The following PRDM5 variants were observed in gnomAD, a reference collection of about 807,000 sequenced individuals.
The protein encoded by PRDM5 is PR domain zinc finger protein 5.
PRDM5 carries 56 observed loss-of-function variants against 81.2 expected under a neutral mutation model. The ratio of observed to expected loss-of-function variants is 0.69; its 90% CI spans 0.56 to 0.86. The LOEUF (loss-of-function observed/expected upper bound fraction) is 0.86. PRDM5 is among the 40% of genes least tolerant of loss of function. The probability of loss-of-function intolerance (pLI) is 0.00; values close to 1 mark genes in which losing one functional copy is unlikely to be tolerated. For missense variants in PRDM5, 697 were observed against 770.1 expected (o/e 0.91, Z 1.12); for synonymous variants, 267 against 256.4 (o/e 1.04, Z -0.39).
intron 3 of PRDM5, among the ~76,000 whole-genome samples, chr4:120,841,964 C>T (rs1432880195): frequency 6.6e-6 from 1 of 152,174 alleles, no homozygotes; most frequent in Non-Finnish European, 1.5e-5. Flanking sequence ...TTCATTACTA[C>T]ATTTGTTACG....
At chr4:120,769,879 G>C (rs1023078823) in intron 13 of PRDM5, among the ~76,000 whole-genome samples, 15 of 152,184 alleles carry the variant, frequency 9.9e-5, no homozygotes, top group African/African-American at 3.6e-4. Context: ...CCTGTTGAAA[G>C]AATCAGGCTC....
intron 15 of PRDM5, among the ~76,000 whole-genome samples, chr4:120,703,244 G>C (rs752901480): frequency 1.3e-5 from 2 of 152,098 alleles, no homozygotes; most frequent in Non-Finnish European, 2.9e-5. Context: ...GGAGTGCAGT[G>C]GTCTGATCAT....
intron 14 of PRDM5, among the ~76,000 whole-genome samples, chr4:120,746,092 T>C: frequency 3.2e-5 from 4 of 123,560 alleles, no homozygotes; most frequent in Admixed American, 8.1e-5. Context: ...GAGATATAGA[T>C]CAATGGAACA....
At chr4:120,793,065 C>T (rs568358492) in intron 10 of PRDM5, among the ~76,000 whole-genome samples, 12 of 152,272 alleles carry the variant, frequency 7.9e-5, no homozygotes, top group African/African-American at 2.6e-4. Flanking sequence ...AATATCAGCC[C>T]GTAGCCTGTT....
chr4:120,863,360 G>A (rs1033073601), intron 2 of PRDM5, among the ~76,000 whole-genome samples: 10 of 151,462 alleles, frequency 6.6e-5, no homozygotes, highest in African/African-American at 2.2e-4. Flanking sequence ...CACCTACTAC[G>A]TACTGTAATA....
intron 8 of PRDM5, among the ~76,000 whole-genome samples, chr4:120,807,723 CGGATGT>C (rs1173267089): frequency 6.6e-6 from 1 of 152,114 alleles, no homozygotes; most frequent in Non-Finnish European, 1.5e-5. Flanking sequence ...TTCTGAGGTT[CGGATGT>C]GTTTGGAGTT....
intron 13 of PRDM5, among the ~76,000 whole-genome samples, chr4:120,758,931 A>G (rs1286697817): frequency 6.6e-6 from 1 of 151,834 alleles, no homozygotes; most frequent in Non-Finnish European, 1.5e-5. Flanking sequence ...AATTTTTTGT[A>G]TTTTTAGTAG....
chr4:120,834,475 T>A (rs956884809), intron 3 of PRDM5, among the ~76,000 whole-genome samples: 1 of 152,160 alleles, frequency 6.6e-6, no homozygotes, highest in Non-Finnish European at 1.5e-5. Flanking sequence ...GCAGGCACCT[T>A]GATCTTGGAC....
At chr4:120,826,456 T>G (rs1391832105) in intron 3 of PRDM5, among the ~76,000 whole-genome samples, 1 of 152,146 alleles carries the variant, frequency 6.6e-6, no homozygotes, top group Non-Finnish European at 1.5e-5. Flanking sequence ...CTTCTGTGGT[T>G]TTTGTCACTT....
intron 14 of PRDM5, among the ~76,000 whole-genome samples, chr4:120,715,534 C>G (rs1737618965): frequency 1.3e-5 from 2 of 152,274 alleles, no homozygotes; most frequent in South Asian, 4.1e-4. Context: ...AAATATTCCA[C>G]AGTTTTTCAA....
At chr4:120,726,642 A>G (rs1032061151) in intron 14 of PRDM5, among the ~76,000 whole-genome samples, 11 of 152,238 alleles carry the variant, frequency 7.2e-5, no homozygotes, top group Non-Finnish European at 4.4e-5. Flanking sequence ...ACATAAAGAA[A>G]CTAAGCCTGA....
At chr4:120,900,615 A>C (rs11943025) in intron 2 of PRDM5, among the ~76,000 whole-genome samples, 11,290 of 152,226 alleles carry the variant, frequency 0.074, 547 homozygotes, top group Middle Eastern at 0.19. Context: ...GTTTCCAAAA[A>C]CAATCCATAT....
intron 2 of PRDM5, among the ~76,000 whole-genome samples, chr4:120,872,934 A>ACT (rs1761982294): frequency 6.6e-6 from 1 of 151,856 alleles, no homozygotes; most frequent in Non-Finnish European, 1.5e-5. Flanking sequence ...ACACTACTGA[A>ACT]CTCTACACTT....
chr4:120,742,966 A>G (rs1470911645), intron 14 of PRDM5, among the ~76,000 whole-genome samples: 1 of 151,970 alleles, frequency 6.6e-6, no homozygotes, highest in African/African-American at 2.4e-5. Flanking sequence ...CAACTCCAAG[A>G]CACATAATTG....
chr4:120,890,988 T>G (rs982002202), intron 2 of PRDM5, among the ~76,000 whole-genome samples: 1 of 152,216 alleles, frequency 6.6e-6, no homozygotes, highest in Non-Finnish European at 1.5e-5. Context: ...TAGGCCCCAT[T>G]TGTCAATTTT....
chr4:120,801,420 A>G (rs977538362), intron 8 of PRDM5, among the ~76,000 whole-genome samples: 2 of 152,224 alleles, frequency 1.3e-5, no homozygotes, highest in Non-Finnish European at 2.9e-5. Context: ...CCACGGCTTA[A>G]TTCAATGCCC....
chr4:120,699,276 T>C (rs895172494), intron 15 of PRDM5, among the ~76,000 whole-genome samples: 3 of 149,538 alleles, frequency 2.0e-5, no homozygotes, highest in Non-Finnish European at 3.0e-5. Context: ...CATTATATTT[T>C]ATCTCAAATT....
intron 3 of PRDM5, among the ~76,000 whole-genome samples, chr4:120,843,578 C>T (rs1232913305): frequency 6.6e-6 from 1 of 151,574 alleles, no homozygotes; most frequent in East Asian, 1.9e-4. Context: ...CTGGCACATG[C>T]CTGTGGTCAC....
intron 14 of PRDM5, among the ~76,000 whole-genome samples, chr4:120,751,767 A>T (rs1414033995): frequency 6.6e-6 from 1 of 152,212 alleles, no homozygotes; most frequent in Non-Finnish European, 1.5e-5. Flanking sequence ...GGCAATAACC[A>T]GAGAGTAAAT....
Sources: allele counts gnomAD v4.1 joint callset (sites outside exome capture counted in the v4.1 genomes callset), GRCh38; gene constraint gnomAD v4.1.1; transcripts MANE v1.5; gene names NCBI Gene and HGNC (gene_info 2026-07-23, HGNC 2026-07-21).